Variants in BRAF observed in about 807,000 individuals in gnomAD.
BRAF encodes the protein B-Raf proto-oncogene, serine/threonine kinase.
A neutral mutation model predicts 104.6 loss-of-function variants in BRAF; 16 were observed. The observed-to-expected ratio is 0.15, with a 90% CI of 0.10 to 0.23. BRAF has a LOEUF of 0.23. BRAF is among the 10% of genes least tolerant of loss of function. The pLI, the probability that BRAF is intolerant of heterozygous loss-of-function variation, is 1.00. For synonymous variants in BRAF, 310 were observed against 341.6 expected (o/e 0.91, Z 1.02); for missense variants, 541 against 937.3 (o/e 0.58, Z 5.52).
chr7:140,835,286 C>A (rs976932599), intron 2 of BRAF: 8 of 186,452 alleles, frequency 4.3e-5, no homozygotes, highest in Non-Finnish European at 9.1e-5. Flanking sequence ...ATATGAATTC[C>A]ATTCGTTCTC....
intron 1 of BRAF, among the ~76,000 whole-genome samples, chr7:140,910,587 T>C (rs1303831891): frequency 6.6e-6 from 1 of 152,212 alleles, no homozygotes. Context: ...GCTGGCCACT[T>C]GAGTTTCTTC....
chr7:140,798,272 C>CTTTTTTTTTTTTTTTT (rs10525418), intron 7 of BRAF, among the ~76,000 whole-genome samples: 22 of 115,612 alleles, frequency 1.9e-4, no homozygotes, highest in Non-Finnish European at 2.3e-4. Flanking sequence ...CTTTTTTTTT[C>CTTTTTTTTTTTTTTTT]TTTTTTTTGA....
At chr7:140,757,260 T>C (rs1451991023) in intron 14 of BRAF, among the ~76,000 whole-genome samples, 2 of 152,148 alleles carry the variant, frequency 1.3e-5, no homozygotes, top group Non-Finnish European at 2.9e-5. Flanking sequence ...TTCCCCATCT[T>C]ATACTTGTAT....
At chr7:140,876,472 C>A (rs1812275877) in intron 1 of BRAF, among the ~76,000 whole-genome samples, 1 of 151,944 alleles carries the variant, frequency 6.6e-6, no homozygotes, top group Non-Finnish European at 1.5e-5. Flanking sequence ...TCTAAACATG[C>A]CAAAATTACA....
At chr7:140,736,337 G>A (rs1796428945) in intron 18 of BRAF, among the ~76,000 whole-genome samples, 1 of 151,878 alleles carries the variant, frequency 6.6e-6, no homozygotes, top group Non-Finnish European at 1.5e-5. Flanking sequence ...CCAAAGTGCT[G>A]GGATTACAGG....
chr7:140,809,909 T>C (rs1331354119), intron 3 of BRAF, among the ~76,000 whole-genome samples: 1 of 151,618 alleles, frequency 6.6e-6, no homozygotes, highest in Non-Finnish European at 1.5e-5. Context: ...TTTAAAGTTA[T>C]CTATCTTTAG....
chr7:140,735,379 TCACAATTTTAAGG>T (rs1423729673), intron 18 of BRAF, among the ~76,000 whole-genome samples: 1 of 152,104 alleles, frequency 6.6e-6, no homozygotes, highest in Non-Finnish European at 1.5e-5. Flanking sequence ...ATGCAGAAAT[TCACAATTTTAAGG>T]CACAAAGAAA....
At chr7:140,895,096 C>T (rs571145774) in intron 1 of BRAF, among the ~76,000 whole-genome samples, 2 of 152,146 alleles carry the variant, frequency 1.3e-5, no homozygotes, top group Admixed American at 6.5e-5. Context: ...ATTAGGCAAA[C>T]CTAATTCAAC....
chr7:140,815,388 G>A (rs1464581877), intron 3 of BRAF, among the ~76,000 whole-genome samples: 3 of 147,688 alleles, frequency 2.0e-5, no homozygotes, highest in Non-Finnish European at 3.0e-5. Flanking sequence ...CTCATGATTC[G>A]CCCGCCTCAG....
At chr7:140,790,424 C>G (rs1801835682) in intron 8 of BRAF, among the ~76,000 whole-genome samples, 1 of 152,156 alleles carries the variant, frequency 6.6e-6, no homozygotes, top group Admixed American at 6.5e-5. Context: ...CCTTCTCTTA[C>G]TTACATCCCT....
intron 3 of BRAF, among the ~76,000 whole-genome samples, chr7:140,832,403 G>A (rs1371294644): frequency 2.0e-5 from 3 of 152,164 alleles, no homozygotes; most frequent in Non-Finnish European, 4.4e-5. Context: ...AAAGTCCTTA[G>A]CACAGAACTT....
intron 12 of BRAF, among the ~76,000 whole-genome samples, chr7:140,779,067 A>G (rs1800596810): frequency 6.6e-6 from 1 of 152,220 alleles, no homozygotes; most frequent in Non-Finnish European, 1.5e-5. Context: ...ACTTCACACA[A>G]CAATATAGAT....
At chr7:140,820,280 T>C (rs1036702389) in intron 3 of BRAF, among the ~76,000 whole-genome samples, 1 of 152,210 alleles carries the variant, frequency 6.6e-6, no homozygotes, top group East Asian at 1.9e-4. Flanking sequence ...TCAAAATCTT[T>C]TCTGATATTA....
chr7:140,859,281 G>C (rs1295968265), intron 1 of BRAF, among the ~76,000 whole-genome samples: 1 of 152,126 alleles, frequency 6.6e-6, no homozygotes, highest in African/African-American at 2.4e-5. Flanking sequence ...TGCAAGAAAA[G>C]GCTGATCAGC....
chr7:140,862,279 T>C (rs964603406), intron 1 of BRAF, among the ~76,000 whole-genome samples: 2 of 152,020 alleles, frequency 1.3e-5, no homozygotes, highest in African/African-American at 4.8e-5. Flanking sequence ...ATAAAGATCA[T>C]AGTAGTGATA....
intron 3 of BRAF, among the ~76,000 whole-genome samples, chr7:140,813,888 TACAC>T (rs147877017): frequency 3.1e-4 from 45 of 147,420 alleles, no homozygotes; most frequent in African/African-American, 5.7e-4. Context: ...GACGCATACA[TACAC>T]ACACACACAC....
chr7:140,800,185 T>C (rs942897068), intron 7 of BRAF, 177 bp downstream of exon 7: 1 of 1,013,412 alleles, frequency 9.9e-7, no homozygotes, highest in Admixed American at 2.2e-5. Flanking sequence ...TATGTCAGCT[T>C]TAATCCCATT....
At chr7:140,877,248 T>C (rs913080421) in intron 1 of BRAF, among the ~76,000 whole-genome samples, 1 of 146,052 alleles carries the variant, frequency 6.8e-6, no homozygotes, top group Admixed American at 7.2e-5. Flanking sequence ...TGAATTAATA[T>C]CATTAAGCTT....
chr7:140,904,623 A>AT (rs922691166), intron 1 of BRAF, among the ~76,000 whole-genome samples: 12 of 151,738 alleles, frequency 7.9e-5, no homozygotes, highest in African/African-American at 1.5e-4. Flanking sequence ...ATGGATTATT[A>AT]TTTTTTTTAG....
Sources: allele counts gnomAD v4.1 joint callset (sites outside exome capture counted in the v4.1 genomes callset), GRCh38; gene constraint gnomAD v4.1.1; transcripts MANE v1.5; gene names NCBI Gene and HGNC (gene_info 2026-07-23, HGNC 2026-07-21).